RRBP1: variants seen among roughly 807,000 people sequenced by gnomAD.
RRBP1 encodes ribosome binding protein 1, also known as ribosome-binding protein 1.
RRBP1 carries 94 observed loss-of-function variants against 165.2 expected under a neutral mutation model. That is an observed-to-expected ratio of 0.57 (90% CI 0.48 to 0.68). The LOEUF (loss-of-function observed/expected upper bound fraction) is 0.68, where lower values mean the gene tolerates loss of function less well. RRBP1 is among the 30% of genes least tolerant of loss of function. The pLI is 0.00. For missense variants in RRBP1, 1,676 were observed against 1,763.0 expected, an observed-to-expected ratio of 0.95 and a Z score of 0.88; for synonymous variants, 680 against 714.5, an observed-to-expected ratio of 0.95 and a Z score of 0.77.
intron 2 of RRBP1, among the ~76,000 whole-genome samples, chr20:17,677,116 A>G (rs1283910141): frequency 2.0e-5 from 3 of 152,192 alleles, no homozygotes; most frequent in Non-Finnish European, 4.4e-5. Context: ...CAATTGCTTA[A>G]TAACATGAGG....
At chr20:17,634,986 C>G (rs1420366232) in intron 7 of RRBP1, among the ~76,000 whole-genome samples, 1 of 152,224 alleles carries the variant, frequency 6.6e-6, no homozygotes, top group Admixed American at 6.5e-5. Context: ...TTGGTGAGAG[C>G]AGAGGCTTTC....
intron 24 of RRBP1, 112 bp from the exon 25 acceptor site, chr20:17,614,332 C>T (rs2035749426): frequency 1.0e-6 from 1 of 989,350 alleles, no homozygotes; most frequent in Non-Finnish European, 1.6e-6. Flanking sequence ...CCTCAAGCCA[C>T]TCCAGTCCCT....
At chr20:17,627,164 T>A (rs1011907199) in intron 11 of RRBP1, among the ~76,000 whole-genome samples, 184 bp downstream of exon 11, 2 of 136,408 alleles carry the variant, frequency 1.5e-5, no homozygotes, top group Admixed American at 7.9e-5. Flanking sequence ...CAAGGCCGCC[T>A]TCTTTCCCGC....
At chr20:17,615,748 A>G (rs1011305539) in intron 22 of RRBP1, among the ~76,000 whole-genome samples, 178 bp downstream of exon 22, 4 of 152,172 alleles carry the variant, frequency 2.6e-5, no homozygotes, top group African/African-American at 7.2e-5. Flanking sequence ...AGGGCTCCCA[A>G]GGTGCCTCCA....
intron 6 of RRBP1, among the ~76,000 whole-genome samples, chr20:17,636,098 G>A (rs1012281063): frequency 2.6e-5 from 4 of 152,266 alleles, no homozygotes; most frequent in African/African-American, 9.6e-5. Context: ...AGCCCACTAT[G>A]AGCAGGGTGC....
chr20:17,674,370 C>T (rs1021509916), intron 2 of RRBP1, among the ~76,000 whole-genome samples: 1 of 152,194 alleles, frequency 6.6e-6, no homozygotes, highest in African/African-American at 2.4e-5. Flanking sequence ...GAGAAAAGAA[C>T]ATCACCATGA....
intron 2 of RRBP1, among the ~76,000 whole-genome samples, chr20:17,666,022 G>C (rs1405319933): frequency 6.6e-6 from 1 of 152,088 alleles, no homozygotes; most frequent in Admixed American, 6.5e-5. Context: ...TCTACACTTT[G>C]TTCCACTGTT....
At chr20:17,653,455 A>C (rs1375750810) in intron 3 of RRBP1, among the ~76,000 whole-genome samples, 1 of 152,266 alleles carries the variant, frequency 6.6e-6, no homozygotes, top group African/African-American at 2.4e-5. Context: ...CGTCAGCTGC[A>C]AAGAGCAGAA....
Position 17,625,517 on chromosome 20 carries a change from T to A in RRBP1, c.3049A>T (p.Asn1017Tyr). 1 of 1,613,664 alleles carries A rather than the reference T, an allele frequency of 6.2e-7. No homozygotes were observed. The highest frequency in any genetic ancestry group is 8.5e-7 in the Non-Finnish European group (1 of 1,179,822). ...REAVEQQKVK[N>Y]NDLREKNWKA... ...CCTGTGCCTGCCGCACTCACATTGT[T>A]CTTCACTTTCTGCTGCTCGACGGCC... The change falls in exon 12 of 25, where the codon AAC (asparagine) becomes TAC (tyrosine). Residue 1017 changes from asparagine (N) to tyrosine (Y), a missense_variant. By Grantham distance (143) the Asn-to-Tyr change is moderately radical (BLOSUM62 -2). Transcript: ENST00000377813.
intron 22 of RRBP1, 127 bp from the exon 23 acceptor site, chr20:17,615,656 T>C (rs2035786182): frequency 1.4e-6 from 1 of 694,662 alleles, no homozygotes. Flanking sequence ...CTCCATCCTG[T>C]AGCTGGAATG....
At chr20:17,631,752 C>A (rs1033094890) in intron 8 of RRBP1, among the ~76,000 whole-genome samples, 9 of 152,240 alleles carry the variant, frequency 5.9e-5, no homozygotes, top group Non-Finnish European at 1.2e-4. Flanking sequence ...CTCCCTGATG[C>A]CAGTGCTCCA....
At chr20:17,676,634 G>A (rs1379694506) in intron 2 of RRBP1, among the ~76,000 whole-genome samples, 1 of 152,200 alleles carries the variant, frequency 6.6e-6, no homozygotes, top group Non-Finnish European at 1.5e-5. Flanking sequence ...TGGGCACTGA[G>A]AGCACAGGCC....
intron 2 of RRBP1, among the ~76,000 whole-genome samples, chr20:17,675,533 A>G (rs1415728204): frequency 1.5e-5 from 2 of 135,920 alleles, no homozygotes; most frequent in Non-Finnish European, 3.2e-5. Context: ...AAAGTGATGC[A>G]GAGAAGGGGG....
intron 3 of RRBP1, among the ~76,000 whole-genome samples, chr20:17,654,000 G>A (rs1568778066): frequency 1.3e-5 from 2 of 152,144 alleles, no homozygotes; most frequent in Admixed American, 1.3e-4. Context: ...CAGTTAAACA[G>A]TAATGCACAA....
intron 3 of RRBP1, among the ~76,000 whole-genome samples, chr20:17,646,096 G>A (rs1318960808): frequency 6.6e-6 from 1 of 152,166 alleles, no homozygotes; most frequent in Non-Finnish European, 1.5e-5. Flanking sequence ...GACAGGTACT[G>A]TGACAAATAA....
intron 7 of RRBP1, among the ~76,000 whole-genome samples, chr20:17,634,869 T>C (rs925276170): frequency 6.6e-6 from 1 of 152,144 alleles, no homozygotes; most frequent in African/African-American, 2.4e-5. Context: ...AACAGATACT[T>C]GGCCCAGCTC....
At chr20:17,633,192 CA>C (rs544730437) in intron 8 of RRBP1, among the ~76,000 whole-genome samples, 244 of 152,324 alleles carry the variant, frequency 1.6e-3, no homozygotes, top group African/African-American at 4.5e-3. Flanking sequence ...CATAGGGTTA[CA>C]AGGAAAAGTG....
chr20:17,667,886 T>C (rs774625347), intron 2 of RRBP1, among the ~76,000 whole-genome samples: 10 of 152,256 alleles, frequency 6.6e-5, no homozygotes, highest in Non-Finnish European at 1.3e-4. Context: ...TTCACCTTCA[T>C]GGATTAACTG....
chr20:17,631,975 C>G (rs2036159066), intron 8 of RRBP1, among the ~76,000 whole-genome samples: 1 of 152,234 alleles, frequency 6.6e-6, no homozygotes. Context: ...AGCTCTTTTT[C>G]TGAAAAGCAC....
Sources: gnomAD v4.1 joint callset for allele counts (sites outside exome capture counted in the v4.1 genomes callset) on GRCh38, gnomAD v4.1.1 for gene constraint, MANE v1.5 for transcripts, NCBI Gene and HGNC (gene_info 2026-07-23, HGNC 2026-07-21) for gene names.